Variants in AGBL4 observed in about 807,000 individuals in gnomAD.
AGBL4 encodes the protein cytosolic carboxypeptidase 6.
AGBL4 carries 58 observed loss-of-function variants against 66.4 expected under a neutral mutation model. That is an observed-to-expected ratio of 0.87 (90% CI 0.71 to 1.09). The LOEUF (loss-of-function observed/expected upper bound fraction) is 1.09, where lower values mean the gene tolerates loss of function less well. AGBL4 is among the 50% of genes least tolerant of loss of function. AGBL4 has a pLI of 0.00. For synonymous variants in AGBL4, 234 were observed against 222.9 expected, an observed-to-expected ratio of 1.05 and a Z score of -0.44; for missense variants, 579 against 631.0, an observed-to-expected ratio of 0.92 and a Z score of 0.88.
intron 4 of AGBL4, among the ~76,000 whole-genome samples, chr1:49,057,508 C>T (rs954011087): frequency 2.0e-5 from 3 of 152,232 alleles, no homozygotes; most frequent in East Asian, 3.9e-4. Context: ...GAACAAAATC[C>T]AAACTCTTTA....
intron 1 of AGBL4, among the ~76,000 whole-genome samples, chr1:49,988,407 G>A (rs894947995): frequency 6.6e-6 from 1 of 152,112 alleles, no homozygotes; most frequent in African/African-American, 2.4e-5. Context: ...CTGCTCAGTC[G>A]TTTTATTTTC....
At chr1:48,854,926 T>A (rs1175945922) in intron 6 of AGBL4, among the ~76,000 whole-genome samples, 1 of 152,198 alleles carries the variant, frequency 6.6e-6, no homozygotes, top group Non-Finnish European at 1.5e-5. Context: ...GAAAAACAGA[T>A]TGGGTCCTTT....
intron 3 of AGBL4, among the ~76,000 whole-genome samples, chr1:49,479,158 A>G (rs1268759115): frequency 1.3e-5 from 2 of 152,062 alleles, no homozygotes; most frequent in African/African-American, 4.8e-5. Flanking sequence ...AGAACCGACA[A>G]ATTAAGTAAT....
At chr1:49,679,043 G>A (rs956114901) in intron 3 of AGBL4, among the ~76,000 whole-genome samples, 2 of 152,102 alleles carry the variant, frequency 1.3e-5, no homozygotes, top group Non-Finnish European at 2.9e-5. Flanking sequence ...TTCTATAAAT[G>A]TTGATTGATG....
intron 4 of AGBL4, among the ~76,000 whole-genome samples, chr1:49,081,768 T>G (rs1644812920): frequency 6.6e-6 from 1 of 152,060 alleles, no homozygotes; most frequent in African/African-American, 2.4e-5. Flanking sequence ...AAGCCAAAGT[T>G]TTTTTATACC....
chr1:48,899,319 C>T (rs1651859518), intron 5 of AGBL4, among the ~76,000 whole-genome samples: 1 of 152,178 alleles, frequency 6.6e-6, no homozygotes, highest in Non-Finnish European at 1.5e-5. Flanking sequence ...TGCCTCATTT[C>T]AAACTAGTGG....
At chr1:49,635,603 A>G (rs1392369414) in intron 3 of AGBL4, among the ~76,000 whole-genome samples, 2 of 152,206 alleles carry the variant, frequency 1.3e-5, no homozygotes, top group Non-Finnish European at 2.9e-5. Context: ...ACTTCAAAGA[A>G]AAGGGTATCA....
rs1165168697 is a variant in AGBL4, at chr1:49,875,380, C to G, written c.35-23862G>C. Reference sequence around the variant, plus strand: ...GTCCATGTGATCTCATTGTTCAATTCCCACCTATGAGTGAGAATATGCGGT... The same window carrying G: ...GTCCATGTGATCTCATTGTTCAATTGCCACCTATGAGTGAGAATATGCGGT... On this transcript the variant is annotated intron_variant, in intron 1 of 13. Coordinates refer to ENST00000371839, the MANE Select transcript of AGBL4 (RefSeq NM_032785.4). Among the ~76,000 whole-genome samples the G allele has an allele frequency of 2.3e-5, 3 of 127,850 alleles. No homozygotes were observed. The East Asian group carries it at 7.6e-4, about 32-fold the overall frequency. The allele number at this position is 127,850 out of a possible 152,430, so 83.9% of individuals were successfully genotyped here. A position where few individuals can be genotyped will look rare whatever the true frequency, so the allele number is the denominator to read the frequency against.
rs554902446 is a variant in AGBL4 at position 49,565,147 on chromosome 1, C to T, written c.282+132166G>A. Among the ~76,000 whole-genome samples, 140 of 151,630 alleles carry T rather than the reference C, an allele frequency of 9.2e-4. 2 individuals carry two copies. In the South Asian group the frequency reaches 0.029, roughly 31 times the overall value. Reference sequence around the variant, plus strand: ...TGCAACCCCTGCCTTTTTTTGTTTTCCATTTGCTTGGTAGATCTTCCTCCA... The same window carrying T: ...TGCAACCCCTGCCTTTTTTTGTTTTTCATTTGCTTGGTAGATCTTCCTCCA... On this transcript the variant is annotated intron_variant, in intron 3 of 13. Transcript: ENST00000371839.
chr1:49,176,615 C>T (rs2148176928), intron 4 of AGBL4, among the ~76,000 whole-genome samples: 1 of 152,252 alleles, frequency 6.6e-6, no homozygotes, highest in South Asian at 2.1e-4. Flanking sequence ...GAGGCTAATG[C>T]ACAGATGATA....
At chr1:48,674,015 A>T (rs917916832) in intron 6 of AGBL4, among the ~76,000 whole-genome samples, 1 of 151,290 alleles carries the variant, frequency 6.6e-6, no homozygotes, top group Admixed American at 6.6e-5. Context: ...TTCCCCATAC[A>T]CTCGAAGTTA....
intron 6 of AGBL4, chr1:48,759,496 G>C (rs1644140455): frequency 3.0e-6 from 3 of 990,630 alleles, no homozygotes; most frequent in Admixed American, 3.2e-5. Context: ...TGGGGAAGGG[G>C]CTTGCCCAAA....
chr1:49,914,763 T>C (rs1025430615), intron 1 of AGBL4, among the ~76,000 whole-genome samples: 3 of 152,128 alleles, frequency 2.0e-5, no homozygotes, highest in African/African-American at 4.8e-5. Flanking sequence ...GGGTGATTTA[T>C]AAAGAAAAAG....
chr1:48,559,386 T>C (rs1330399301), intron 11 of AGBL4, among the ~76,000 whole-genome samples: 1 of 151,950 alleles, frequency 6.6e-6, no homozygotes, highest in Non-Finnish European at 1.5e-5. Context: ...ACACACCCCA[T>C]AGTCAACCAG....
At chr1:48,981,434 G>C (rs545420180) in intron 5 of AGBL4, among the ~76,000 whole-genome samples, 1 of 152,060 alleles carries the variant, frequency 6.6e-6, no homozygotes, top group East Asian at 1.9e-4. Context: ...TCATTATGTA[G>C]AGGAAAAAAA....
At chr1:48,744,241 G>A (rs1244684211) in intron 6 of AGBL4, among the ~76,000 whole-genome samples, 4 of 152,224 alleles carry the variant, frequency 2.6e-5, no homozygotes, top group Non-Finnish European at 5.9e-5. Context: ...ACCTGGGGCT[G>A]AGTAGGCACT....
intron 3 of AGBL4, among the ~76,000 whole-genome samples, chr1:49,472,738 G>C (rs1474129544): frequency 6.6e-6 from 1 of 151,984 alleles, no homozygotes; most frequent in East Asian, 1.9e-4. Flanking sequence ...GTGATGCTGA[G>C]TATTGGGTTT....
intron 1 of AGBL4, among the ~76,000 whole-genome samples, chr1:49,946,302 G>A (rs1397276680): frequency 1.3e-5 from 2 of 151,920 alleles, no homozygotes; most frequent in Non-Finnish European, 2.9e-5. Context: ...TAGACGATAT[G>A]ATAGCCTACA....
intron 11 of AGBL4, among the ~76,000 whole-genome samples, chr1:48,552,818 T>A (rs1179181912): frequency 6.6e-6 from 1 of 151,354 alleles, no homozygotes; most frequent in Non-Finnish European, 1.5e-5. Context: ...AAAAAAGTAA[T>A]CCCTGAATGG....
Sources: gnomAD v4.1 joint callset for allele counts (sites outside exome capture counted in the v4.1 genomes callset) on GRCh38, gnomAD v4.1.1 for gene constraint, MANE v1.5 for transcripts, NCBI Gene and HGNC (gene_info 2026-07-23, HGNC 2026-07-21) for gene names.